Variants in PIP5K1B observed in about 807,000 individuals in gnomAD.
The protein encoded by PIP5K1B is phosphatidylinositol 4-phosphate 5-kinase type-1 beta.
In PIP5K1B, 42 loss-of-function variants were observed where a neutral mutation model predicts 67.0. The observed-to-expected ratio is 0.63, with a 90% CI of 0.49 to 0.81. PIP5K1B has a LOEUF of 0.81. Ranked by LOEUF, PIP5K1B falls within the 30% of genes least tolerant of loss-of-function variation. PIP5K1B has a pLI of 0.00. For missense variants in PIP5K1B, 459 were observed against 646.3 expected (o/e 0.71, Z 3.14); for synonymous variants, 214 against 231.4 (o/e 0.92, Z 0.68).
chr9:68,891,253 G>C (rs545894334), intron 7 of PIP5K1B, among the ~76,000 whole-genome samples: 2 of 152,072 alleles, frequency 1.3e-5, no homozygotes, highest in African/African-American at 4.8e-5. Flanking sequence ...CTGTATCAAA[G>C]AAAAATTAAA....
chr9:68,917,605 G>A lies in PIP5K1B; in HGVS notation c.829G>A (p.Asp277Asn), dbSNP rs764391923. 6.2e-7 allele frequency: 1 copy of A among 1,614,026 alleles called. No individual in the cohort carries two copies. Among genetic ancestry groups the A allele is most frequent in the East Asian group, 2.2e-5 (1 of 44,890 alleles). Residue 277 changes from aspartate to asparagine, a missense_variant, in exon 9 of 16, where the codon GAC becomes AAC. Coordinates refer to ENST00000265382, the MANE Select transcript of PIP5K1B (RefSeq NM_003558.4). Reference sequence around the variant, plus strand: ...CCTTCTGTTGGGAATTCATTTCCTGGACCATTCCCTCAAAGAGAAAGAGGA... The same window carrying A: ...CCTTCTGTTGGGAATTCATTTCCTGAACCATTCCCTCAAAGAGAAAGAGGA... ...YSLLLGIHFL[D>N]HSLKEKEEET...
At chr9:68,845,970 T>A (rs1822171136) in intron 4 of PIP5K1B, among the ~76,000 whole-genome samples, 1 of 152,218 alleles carries the variant, frequency 6.6e-6, no homozygotes, top group African/African-American at 2.4e-5. Context: ...AAACATGATC[T>A]AGGATTTATC....
intron 1 of PIP5K1B, among the ~76,000 whole-genome samples, chr9:68,738,167 T>C (rs1828832192): frequency 6.6e-6 from 1 of 152,234 alleles, no homozygotes; most frequent in Non-Finnish European, 1.5e-5. Context: ...TGTATGTGGC[T>C]GATGATGTAA....
chr9:68,816,198 G>A (rs1833435681), intron 2 of PIP5K1B, among the ~76,000 whole-genome samples: 1 of 152,102 alleles, frequency 6.6e-6, no homozygotes, highest in Non-Finnish European at 1.5e-5. Context: ...GCCCGATCTC[G>A]GCTCACTACA....
At position 68,991,235 on chromosome 9, in the gene PIP5K1B, C is replaced by G. The variant is rs375986112; in HGVS notation, c.1598C>G (p.Ala533Gly). 3.1e-5 allele frequency: 50 copies of G among 1,600,536 alleles called. No homozygotes were observed. Among genetic ancestry groups the G allele is most frequent in the Non-Finnish European group, 3.9e-5 (46 of 1,167,666 alleles). Reference sequence around the variant, plus strand: ...ACTCTGGAAGTGCAGGATGACAATGCTTCTGTGCTTGACGTCTATTTAGTA... The same window carrying G: ...ACTCTGGAAGTGCAGGATGACAATGGTTCTGTGCTTGACGTCTATTTAGTA... ...PNTLEVQDDN[A>G]SVLDVYL Residue 533 changes from alanine to glycine, a missense_variant, in exon 15 of 16, where the codon GCT (alanine) becomes GGT (glycine). By Grantham distance (60) the Ala-to-Gly change is moderately conservative. Around this residue, in one of 2 missense-constraint regions of PIP5K1B, gnomAD observed 169 missense variants for 171.9 expected, o/e 0.98. Transcript: ENST00000265382.
At chr9:68,993,868 T>C (rs570300916) in intron 15 of PIP5K1B, among the ~76,000 whole-genome samples, 2 of 152,216 alleles carry the variant, frequency 1.3e-5, no homozygotes, top group South Asian at 4.1e-4. Flanking sequence ...CTGCCTAAAC[T>C]TGAACCCAGG....
chr9:68,861,624 A>G (rs140485533), intron 4 of PIP5K1B, among the ~76,000 whole-genome samples: 39 of 152,340 alleles, frequency 2.6e-4, no homozygotes, highest in African/African-American at 8.9e-4. Flanking sequence ...CTTGGGCAGC[A>G]TGTGAACCTG....
At chr9:68,954,763 A>C (rs1229901933) in intron 14 of PIP5K1B, among the ~76,000 whole-genome samples, 3 of 152,180 alleles carry the variant, frequency 2.0e-5, no homozygotes, top group African/African-American at 7.2e-5. Context: ...GCTCCAAGTA[A>C]CTGGAGTTGC....
chr9:68,779,528 C>CT (rs1289831527), intron 2 of PIP5K1B, among the ~76,000 whole-genome samples: 2 of 152,160 alleles, frequency 1.3e-5, no homozygotes, highest in African/African-American at 4.8e-5. Context: ...CTTGAAAACC[C>CT]TTTAAGTTTT....
chr9:68,984,865 A>G (rs933085333), intron 14 of PIP5K1B, among the ~76,000 whole-genome samples: 2 of 152,212 alleles, frequency 1.3e-5, no homozygotes, highest in African/African-American at 2.4e-5. Context: ...TGCAATGACA[A>G]ATTTCTAAAA....
chr9:68,770,604 T>C (rs904947540), intron 2 of PIP5K1B, among the ~76,000 whole-genome samples: 2 of 152,204 alleles, frequency 1.3e-5, no homozygotes, highest in African/African-American at 4.8e-5. Context: ...TCTTACTGCC[T>C]GAGCCCCGCC....
chr9:68,934,767 G>T, intron 12 of PIP5K1B, 123 bp from the exon 13 acceptor site: 2 of 611,764 alleles, frequency 3.3e-6, no homozygotes, highest in South Asian at 4.7e-5. Flanking sequence ...TAAAATAAGC[G>T]TCTTGTCTTC....
rs80108759 is a variant in PIP5K1B, at chr9:68,786,335, C to G, written c.-85-32126C>G. Among the ~76,000 whole-genome samples the G allele has an allele frequency of 2.2e-4, 34 of 152,278 alleles. 1 individual carries two copies. The East Asian group carries it at 6.6e-3, about 29-fold the overall frequency. ...TTTACATTTATGAGTGTTTAAAATC[C>G]TCATGACAACCCTGTGAGGCAGGTG... On this transcript the variant is annotated intron_variant, in intron 2 of 15. Coordinates refer to ENST00000265382, the MANE Select transcript of PIP5K1B (RefSeq NM_003558.4).
chr9:68,727,310 G>A (rs190908167), intron 1 of PIP5K1B, among the ~76,000 whole-genome samples: 50 of 152,220 alleles, frequency 3.3e-4, no homozygotes, highest in African/African-American at 1.1e-3. Context: ...GATAGGAAAA[G>A]CAAGAGTTGA....
intron 14 of PIP5K1B, among the ~76,000 whole-genome samples, chr9:68,945,392 C>A (rs540698928): frequency 3.7e-4 from 56 of 152,272 alleles, no homozygotes; most frequent in African/African-American, 1.2e-3. Context: ...GTGATCCACC[C>A]TGCTCAGCCT....
intron 8 of PIP5K1B, 147 bp downstream of exon 8, chr9:68,894,785 G>A: frequency 1.4e-6 from 1 of 730,022 alleles, no homozygotes; most frequent in Non-Finnish European, 2.3e-6. Context: ...GCTGAGCCAT[G>A]CTTCCCTGAT....
At chr9:68,808,713 T>C (rs1833003829) in intron 2 of PIP5K1B, among the ~76,000 whole-genome samples, 1 of 152,262 alleles carries the variant, frequency 6.6e-6, no homozygotes, top group Admixed American at 6.5e-5. Flanking sequence ...CATTTATAGC[T>C]ATTCTGTTTA....
intron 14 of PIP5K1B, among the ~76,000 whole-genome samples, chr9:68,980,886 A>G (rs1829856281): frequency 6.6e-6 from 1 of 152,184 alleles, no homozygotes; most frequent in South Asian, 2.1e-4. Flanking sequence ...GACTCCATTT[A>G]ACTTTGATTT....
At chr9:68,789,660 C>T (rs1409484166) in intron 2 of PIP5K1B, 2 of 326,936 alleles carry the variant, frequency 6.1e-6, no homozygotes, top group African/African-American at 4.4e-5. Context: ...CAAGAAAAGT[C>T]TATAAATCAT....
Sources: gnomAD v4.1 joint callset for allele counts (sites outside exome capture counted in the v4.1 genomes callset) on GRCh38, gnomAD v4.1.1 for gene constraint, gnomAD v4.1.1 regional missense constraint, MANE v1.5 for transcripts, NCBI Gene and HGNC (gene_info 2026-07-23, HGNC 2026-07-21) for gene names.